TRIM64: variants seen among roughly 807,000 people sequenced by gnomAD.
TRIM64 encodes the protein tripartite motif containing 64.
A neutral mutation model predicts 10.6 loss-of-function variants in TRIM64; 3 were observed. The ratio of observed to expected loss-of-function variants is 0.28; its 90% CI spans 0.13 to 0.73. The LOEUF (loss-of-function observed/expected upper bound fraction) is 0.73, where lower values mean the gene tolerates loss of function less well. Among genes scored for constraint, TRIM64 ranks in the 30% least tolerant of loss-of-function variants. The pLI is 0.71. For synonymous variants in TRIM64, 8 were observed against 56.0 expected (o/e 0.14, Z 3.83); for missense variants, 29 against 152.0 (o/e 0.19, Z 4.25).
upstream of TRIM64, among the ~76,000 whole-genome samples, chr11:89,967,870 C>T (rs1245688235): frequency 1.7e-4 from 6 of 35,486 alleles, no homozygotes; most frequent in East Asian, 3.8e-3. Flanking sequence ...CAACCTCCGC[C>T]TCCTGGGTTC....
At chr11:89,966,535 T>C (rs566868897), upstream of TRIM64, among the ~76,000 whole-genome samples, 3 of 48,448 alleles carry the variant, frequency 6.2e-5, no homozygotes, top group Non-Finnish European at 1.2e-4. Flanking sequence ...GCAAAGGTCT[T>C]ATTTGCTGTC....
At chr11:89,973,793 T>A (rs1292516341) in exon 6 of TRIM64, 1 of 423,366 alleles carries the variant, frequency 2.4e-6, no homozygotes, top group East Asian at 8.6e-5. Flanking sequence ...GATCTGTGAG[T>A]TTTTTTGATG....
At chr11:89,967,833 G>C (rs1396478581), upstream of TRIM64, among the ~76,000 whole-genome samples, 1 of 35,464 alleles carries the variant, frequency 2.8e-5, no homozygotes, top group Admixed American at 2.7e-4. Flanking sequence ...CCATGCTGGA[G>C]TGCAGTGGTG....
upstream of TRIM64, among the ~76,000 whole-genome samples, chr11:89,966,373 T>G (rs1249279307): frequency 7.4e-5 from 7 of 94,008 alleles, no homozygotes; most frequent in Non-Finnish European, 1.3e-4. Flanking sequence ...AGATTTTTCT[T>G]AAGTGTGAAA....
chr11:89,966,842 G>A (rs1373092730), upstream of TRIM64, among the ~76,000 whole-genome samples: 2 of 34,948 alleles, frequency 5.7e-5, no homozygotes, highest in Non-Finnish European at 1.0e-4. Flanking sequence ...AGCCGAGATC[G>A]TGCCACTGCA....
Position 89,969,345 on chromosome 11 carries a change from CTTAAT to C in TRIM64, c.409-101_409-97del. 2.8e-5 allele frequency: 4 copies of C among 140,960 alleles called. 2 individuals carry two copies. In the South Asian group the frequency reaches 3.5e-4, roughly 12 times the overall value. The allele number at this position is 140,960 out of a possible 1,614,324, so 8.7% of individuals were successfully genotyped here. On this transcript the variant is annotated intron_variant, in intron 1 of 5. Transcript: ENST00000533122. ...GAAAAATCTGACCACTTCACTCCAA[CTTAAT>C]TTATGTTTCTTTCAATTACAGCCTT...
chr11:89,973,029 C>T lies in TRIM64; in HGVS notation c.857-367C>T, dbSNP rs899627077. On this transcript the variant is annotated intron_variant, in intron 5 of 5. Coordinates refer to ENST00000533122, the Ensembl canonical transcript of TRIM64. Reference sequence around the variant, plus strand: ...TAACTTACATTCCAATAAATACTCACATCACAGCAAATTGATGTCTACCTG... The same window carrying T: ...TAACTTACATTCCAATAAATACTCATATCACAGCAAATTGATGTCTACCTG... Among the ~76,000 whole-genome samples the T allele has an allele frequency of 1.6e-4, 4 of 24,332 alleles. 2 individuals carry two copies. The highest frequency in any genetic ancestry group is 2.8e-4 in the Non-Finnish European group (4 of 14,120). 16.0% of individuals were successfully genotyped at this position (24,332 alleles called of 152,430 possible).
intron 5 of TRIM64, 119 bp from the exon 7 acceptor site, chr11:89,973,277 C>A (rs1230596651): frequency 4.8e-6 from 1 of 206,954 alleles, no homozygotes; most frequent in Non-Finnish European, 7.2e-6. Context: ...TGGGGCTGAC[C>A]CCTCTTGGCT....
chr11:89,966,654 G>A (rs1319164443), upstream of TRIM64, among the ~76,000 whole-genome samples: 1 of 40,542 alleles, frequency 2.5e-5, no homozygotes, highest in Non-Finnish European at 4.5e-5. Flanking sequence ...AGAGGCCAAG[G>A]CAGGCAGATC....
At chr11:89,971,822 T>G (rs539570805) in intron 4 of TRIM64, among the ~76,000 whole-genome samples, 992 of 53,310 alleles carry the variant, frequency 0.019, 76 homozygotes, top group African/African-American at 0.057. Flanking sequence ...ACATTCTCTG[T>G]TAGACACTGA....
At position 89,971,846 on chromosome 11, in the gene TRIM64, T is replaced by C. The variant is rs4002130; in HGVS notation, c.759-351T>C. Among the ~76,000 whole-genome samples the C allele has an allele frequency of 7.7e-3, 408 of 53,204 alleles. 52 individuals are homozygous for C. The East Asian group carries it at 0.19, about 25-fold the overall frequency. The allele number at this position is 53,204 out of a possible 152,430, so 34.9% of individuals were successfully genotyped here. A position where few individuals can be genotyped will look rare whatever the true frequency, so the allele number is the denominator to read the frequency against. ...GTTAGACACTGACTAGCATTAGTGA[T>C]AACTGCAGGCTGAGGTCGCAAAGGT... On this transcript the variant is annotated intron_variant, in intron 4 of 5. Coordinates refer to ENST00000533122, the Ensembl canonical transcript of TRIM64.
At chr11:89,967,855 C>T (rs1208660793), upstream of TRIM64, among the ~76,000 whole-genome samples, 1 of 35,474 alleles carries the variant, frequency 2.8e-5, no homozygotes, top group Non-Finnish European at 5.2e-5. Context: ...GATCTCGGCT[C>T]ACTGCAACCT....
At chr11:89,967,285 A>G (rs1262031140), upstream of TRIM64, among the ~76,000 whole-genome samples, 9 of 12,288 alleles carry the variant, frequency 7.3e-4, no homozygotes, top group Admixed American at 2.2e-3. Context: ...TTGATATTAA[A>G]GTTAAAAGGA....
At chr11:89,971,894 C>T (rs1234323058) in intron 4 of TRIM64, among the ~76,000 whole-genome samples, 1 of 52,366 alleles carries the variant, frequency 1.9e-5, no homozygotes, top group East Asian at 6.6e-4. Context: ...TTTCTGCTCT[C>T]TGAAATATTT....
chr11:89,968,050 G>A (rs1188400932), upstream of TRIM64, among the ~76,000 whole-genome samples: 1 of 35,482 alleles, frequency 2.8e-5, no homozygotes, highest in Non-Finnish European at 5.2e-5. Context: ...CGAAGTGCTG[G>A]GATTACAGGC....
intron 4 of TRIM64, 56 bp from the exon 6 acceptor site, chr11:89,972,141 G>A: frequency 3.7e-6 from 1 of 272,824 alleles, no homozygotes; most frequent in South Asian, 5.5e-5. Flanking sequence ...ATCTTTGTAT[G>A]ACTGTGTGAT....
intron 4 of TRIM64, among the ~76,000 whole-genome samples, chr11:89,971,842 G>T (rs1848662609): frequency 1.9e-5 from 1 of 53,394 alleles, no homozygotes; most frequent in African/African-American, 6.1e-5. Flanking sequence ...ACTAGCATTA[G>T]TGATAACTGC....
upstream of TRIM64, among the ~76,000 whole-genome samples, chr11:89,966,968 A>G (rs1237032706): frequency 5.8e-5 from 2 of 34,528 alleles, no homozygotes; most frequent in Non-Finnish European, 1.1e-4. Flanking sequence ...CCAACTGGCA[A>G]GGGCTCCCAA....
At chr11:89,967,917 G>T (rs1461383419), upstream of TRIM64, among the ~76,000 whole-genome samples, 1 of 35,540 alleles carries the variant, frequency 2.8e-5, no homozygotes, top group Non-Finnish European at 5.2e-5. Context: ...GAATAGCTGG[G>T]ACTACAGGCA....
Sources: allele counts gnomAD v4.1 joint callset (sites outside exome capture counted in the v4.1 genomes callset), GRCh38; gene constraint gnomAD v4.1.1; transcripts MANE v1.5; gene names NCBI Gene and HGNC (gene_info 2026-07-23, HGNC 2026-07-21).